Variants in ZNF329 observed in about 807,000 individuals in gnomAD.
The protein encoded by ZNF329 is zinc finger protein 329.
Under a neutral mutation model 26.6 loss-of-function variants are expected in ZNF329, and 15 were observed. That is an observed-to-expected ratio of 0.56 (90% confidence interval 0.38 to 0.87). The LOEUF (loss-of-function observed/expected upper bound fraction) is 0.87, where lower values mean the gene tolerates loss of function less well. Among genes scored for constraint, ZNF329 ranks in the 40% least tolerant of loss-of-function variants. ZNF329 has a pLI of 0.00. For missense variants in ZNF329, 651 were observed against 651.9 expected (o/e 1.00, Z 0.02); for synonymous variants, 239 against 233.5 (o/e 1.02, Z -0.21).
chr19:58,130,131 C>T (rs1186169747), intron 3 of ZNF329, among the ~76,000 whole-genome samples: 1 of 152,028 alleles, frequency 6.6e-6, no homozygotes, highest in Admixed American at 6.6e-5. Flanking sequence ...ACCAGCCTGA[C>T]CAACATGGTG....
intron 1 of ZNF329, among the ~76,000 whole-genome samples, chr19:58,146,700 G>A (rs1039010816): frequency 3.0e-4 from 45 of 152,092 alleles, no homozygotes; most frequent in African/African-American, 1.1e-3. Context: ...GCAGGCACGC[G>A]CCGCCACGCC....
chr19:58,127,751 A>T lies in ZNF329; in HGVS notation c.*127T>A. The T allele has an allele frequency of 1.0e-6, 1 of 960,348 alleles. No homozygotes were observed. The highest frequency in any genetic ancestry group is 1.6e-6 in the Non-Finnish European group (1 of 644,048). 59.5% of individuals were successfully genotyped at this position (960,348 alleles called of 1,614,324 possible). A position where few individuals can be genotyped will look rare whatever the true frequency, so the allele number is the denominator to read the frequency against. ...TAACAGTGTGGCTCAGCAATGTCTCACATTCATCAATTCACTGGATAGCTT... is the reference window on the plus strand; with the variant it reads ...TAACAGTGTGGCTCAGCAATGTCTCTCATTCATCAATTCACTGGATAGCTT... On this transcript the variant is annotated 3_prime_UTR_variant, in exon 4 of 4. Transcript: ENST00000598312.
chr19:58,150,399 A>G (rs1180926268), intron 1 of ZNF329, among the ~76,000 whole-genome samples: 1 of 152,204 alleles, frequency 6.6e-6, no homozygotes, highest in African/African-American at 2.4e-5. Context: ...ACGGACCAGG[A>G]CACCCAGCAG....
chr19:58,128,691 G>A lies in ZNF329; in HGVS notation c.813C>T (p.Gly271=). The A allele has an allele frequency of 6.2e-7, 1 of 1,605,850 alleles. No individual in the cohort carries two copies. The highest frequency in any genetic ancestry group is 1.1e-5 in the South Asian group (1 of 89,692). ...TTCTCTGGTGCTGTGTCAGAGCTGA[G>A]CCATCACTGAAAGCTTTCCCACATT... ...CSKCGKAFSD[G]SALTQHQRIH... The change falls in exon 4 of 4, where the codon GGC becomes GGT. Residue 271 remains glycine (G), a synonymous_variant. Transcript: ENST00000598312.
intron 1 of ZNF329, among the ~76,000 whole-genome samples, chr19:58,144,419 C>T (rs780427217): frequency 2.6e-4 from 36 of 139,540 alleles, no homozygotes; most frequent in Non-Finnish European, 4.0e-4. Context: ...GACGGAGTCT[C>T]GCTCTGTAGC....
At chr19:58,145,905 G>C (rs961665521) in intron 1 of ZNF329, among the ~76,000 whole-genome samples, 1 of 150,254 alleles carries the variant, frequency 6.7e-6, no homozygotes, top group African/African-American at 2.5e-5. Context: ...TGCCAAAGAC[G>C]AGAGTCTGAA....
chr19:58,154,886 G>A (rs989440149), upstream of ZNF329: 1 of 152,484 alleles, frequency 6.6e-6, no homozygotes, highest in African/African-American at 2.4e-5. Flanking sequence ...CCCAGCCGCA[G>A]ACGCGGAGCC....
upstream of ZNF329, among the ~76,000 whole-genome samples, chr19:58,152,585 C>T (rs2075476637): frequency 6.6e-6 from 1 of 152,070 alleles, no homozygotes; most frequent in African/African-American, 2.4e-5. Context: ...AGACCGGACG[C>T]GGTGGCTCAC....
intron 1 of ZNF329, among the ~76,000 whole-genome samples, chr19:58,146,523 C>G (rs1363889307): frequency 2.8e-5 from 2 of 71,652 alleles, no homozygotes; most frequent in Non-Finnish European, 5.7e-5. Flanking sequence ...GGTAGTCCCT[C>G]TCCCTCTCCC....
intron 3 of ZNF329, among the ~76,000 whole-genome samples, chr19:58,130,593 G>A (rs1204239996): frequency 7.7e-5 from 11 of 143,338 alleles, no homozygotes; most frequent in Non-Finnish European, 1.5e-4. Flanking sequence ...AGAATGGCGC[G>A]AACCCGGGAG....
At chr19:58,140,874 A>ATTTTTTTTTT (rs34583536) in intron 3 of ZNF329, among the ~76,000 whole-genome samples, 149 of 133,920 alleles carry the variant, frequency 1.1e-3, no homozygotes, top group African/African-American at 4.1e-3. Context: ...ATCACACATA[A>ATTTTTTTTTT]TTTTTTTTTT....
At chr19:58,129,905 A>C (rs2074898801) in intron 3 of ZNF329, among the ~76,000 whole-genome samples, 1 of 152,202 alleles carries the variant, frequency 6.6e-6, no homozygotes, top group Non-Finnish European at 1.5e-5. Context: ...CTTCACAATG[A>C]GCTTACAACA....
At chr19:58,144,866 T>C (rs2075272529) in intron 1 of ZNF329, among the ~76,000 whole-genome samples, 1 of 146,750 alleles carries the variant, frequency 6.8e-6, no homozygotes, top group Non-Finnish European at 1.5e-5. Context: ...TTTTTTTTTT[T>C]TGATACAGAG....
intron 1 of ZNF329, among the ~76,000 whole-genome samples, chr19:58,147,917 G>A (rs1433771011): frequency 6.6e-6 from 1 of 152,010 alleles, no homozygotes; most frequent in Non-Finnish European, 1.5e-5. Context: ...AATGAGAACG[G>A]GCCATGATGA....
intron 3 of ZNF329, among the ~76,000 whole-genome samples, chr19:58,138,193 A>G (rs1486059476): frequency 6.6e-6 from 1 of 152,140 alleles, no homozygotes; most frequent in Non-Finnish European, 1.5e-5. Flanking sequence ...CCTTATCCCA[A>G]TACATTCAGA....
chr19:58,141,214 T>C (rs532971509), intron 3 of ZNF329, among the ~76,000 whole-genome samples: 1 of 151,810 alleles, frequency 6.6e-6, no homozygotes, highest in Non-Finnish European at 1.5e-5. Flanking sequence ...CAGGCTGGTC[T>C]TGAACTCCTG....
intron 3 of ZNF329, chr19:58,136,910 GT>G: frequency 5.4e-6 from 1 of 186,634 alleles, no homozygotes; most frequent in African/African-American, 2.4e-5. Context: ...TGGCTTCACT[GT>G]ATGACTGATG....
chr19:58,129,069 C>T lies in ZNF329; in HGVS notation c.435G>A (p.Lys145=), dbSNP rs1170333815. The change falls in exon 4 of 4, where the codon AAG becomes AAA. Residue 145 remains lysine (K), a synonymous_variant. Coordinates refer to ENST00000598312, the MANE Select transcript of ZNF329 (RefSeq NM_024620.4). The part of the protein sequence containing the change: ...VIHGRNPVRE[K]PYKYPESVKS... ...TAACACTTTCAGGGTATTTGTAGGG[C>T]TTCTCTCTCACTGGATTTCTTCCAT... is the stretch of plus-strand genomic sequence containing the variant. The T allele has an allele frequency of 4.3e-6, 7 of 1,613,848 alleles. No homozygotes were observed. In the South Asian group the frequency reaches 6.6e-5, roughly 15 times the overall value.
At chr19:58,151,243 A>G (rs2075447443), upstream of ZNF329, among the ~76,000 whole-genome samples, 1 of 152,162 alleles carries the variant, frequency 6.6e-6, no homozygotes, top group Non-Finnish European at 1.5e-5. Flanking sequence ...GAAAATGAAA[A>G]CTACACATTT....
Sources: gnomAD v4.1 joint callset for allele counts (sites outside exome capture counted in the v4.1 genomes callset) on GRCh38, gnomAD v4.1.1 for gene constraint, MANE v1.5 for transcripts, NCBI Gene and HGNC (gene_info 2026-07-23, HGNC 2026-07-21) for gene names.